Variants in FOXP2 observed in about 807,000 individuals in gnomAD.
FOXP2 encodes the protein forkhead box P2.
FOXP2 carries 12 observed loss-of-function variants against 115.8 expected under a neutral mutation model. That is an observed-to-expected ratio of 0.10 (90% confidence interval 0.07 to 0.17). The LOEUF (loss-of-function observed/expected upper bound fraction) is 0.17. Among genes scored for constraint, FOXP2 ranks in the 10% least tolerant of loss-of-function variants. The pLI is 1.00. For missense variants in FOXP2, 629 were observed against 843.5 expected, an observed-to-expected ratio of 0.75 and a Z score of 3.15; for synonymous variants, 328 against 297.7, an observed-to-expected ratio of 1.10 and a Z score of -1.05.
chr7:114,184,861 A>G (rs1185280560), intron 1 of FOXP2, among the ~76,000 whole-genome samples: 1 of 152,214 alleles, frequency 6.6e-6, no homozygotes, highest in Non-Finnish European at 1.5e-5. Context: ...CATTTTACTA[A>G]TGAGAGCAAT....
chr7:114,523,904 A>G (rs1256993433), intron 2 of FOXP2, among the ~76,000 whole-genome samples: 1 of 152,182 alleles, frequency 6.6e-6, no homozygotes, highest in Admixed American at 6.5e-5. Context: ...AATGAATAGT[A>G]TATTTATGTT....
intron 2 of FOXP2, among the ~76,000 whole-genome samples, chr7:114,324,419 A>G (rs1797505615): frequency 6.6e-6 from 1 of 151,690 alleles, no homozygotes; most frequent in African/African-American, 2.4e-5. Flanking sequence ...CACATTTGAA[A>G]CTTTCTCACT....
At chr7:114,587,140 A>G (rs971335306) in intron 3 of FOXP2, among the ~76,000 whole-genome samples, 1 of 151,338 alleles carries the variant, frequency 6.6e-6, no homozygotes, top group Admixed American at 6.6e-5. Context: ...TACATGTGCC[A>G]TGGGGGTTTG....
chr7:114,283,833 A>G (rs756607869), intron 1 of FOXP2, among the ~76,000 whole-genome samples: 5 of 151,902 alleles, frequency 3.3e-5, no homozygotes, highest in Non-Finnish European at 7.4e-5. Context: ...TGTGTGGCTC[A>G]CACCCGGAGT....
intron 1 of FOXP2, among the ~76,000 whole-genome samples, chr7:114,246,414 T>C (rs1795285999): frequency 6.6e-6 from 1 of 152,088 alleles, no homozygotes; most frequent in South Asian, 2.1e-4. Flanking sequence ...TCTTTTTTAG[T>C]TGCAACTTTT....
At chr7:114,176,184 G>T (rs1328292144) in intron 1 of FOXP2, among the ~76,000 whole-genome samples, 1 of 5,072 alleles carries the variant, frequency 2.0e-4, no homozygotes, top group Non-Finnish European at 9.3e-4. Context: ...CTCTTTTCTT[G>T]TCTTGTCTTG....
chr7:114,628,615 G>A lies in FOXP2; in HGVS notation c.334G>A (p.Val112Ile). Residue 112 changes from valine to isoleucine, a missense_variant, in exon 4 of 17, where the codon GTC (valine) becomes ATC (isoleucine). By Grantham distance (29) the Val-to-Ile change is conservative (BLOSUM62 3). This residue lies in a region of FOXP2 where 138 missense variants were observed against 205.1 expected (regional missense o/e 0.67). Coordinates refer to ENST00000350908, the MANE Select transcript of FOXP2 (RefSeq NM_014491.4). Reference protein sequence around the residue: ...QQMQQILQQQVLSPQQLQALL... With the variant: ...QQMQQILQQQILSPQQLQALL... ...AATGCAGCAGATCCTTCAGCAACAAGTCCTGTCTCCTCAGCAGCTACAAGC... is the reference window on the plus strand; with the variant it reads ...AATGCAGCAGATCCTTCAGCAACAAATCCTGTCTCCTCAGCAGCTACAAGC... 1 of 1,614,072 alleles carries A rather than the reference G, an allele frequency of 6.2e-7. No homozygotes were observed. Among genetic ancestry groups the A allele is most frequent in the Non-Finnish European group, 8.5e-7 (1 of 1,179,980 alleles).
At chr7:114,281,095 A>ATTTTTTTTTTTTTT (rs71157578) in intron 1 of FOXP2, among the ~76,000 whole-genome samples, 1 of 92,858 alleles carries the variant, frequency 1.1e-5, no homozygotes, top group Non-Finnish European at 2.0e-5. Flanking sequence ...TGCAATTTGA[A>ATTTTTTTTTTTTTT]TTTTTTTTTT....
At chr7:114,165,384 A>G (rs1401994914) in intron 1 of FOXP2, among the ~76,000 whole-genome samples, 1 of 152,220 alleles carries the variant, frequency 6.6e-6, no homozygotes, top group Non-Finnish European at 1.5e-5. Context: ...AAAATCCCAT[A>G]TAATCAATAA....
At chr7:114,099,581 C>T (rs1424346477) in intron 1 of FOXP2, among the ~76,000 whole-genome samples, 1 of 152,124 alleles carries the variant, frequency 6.6e-6, no homozygotes, top group Non-Finnish European at 1.5e-5. Flanking sequence ...ATGCTCATTA[C>T]AGTATTATTC....
chr7:114,291,589 G>A (rs905064208), intron 2 of FOXP2, among the ~76,000 whole-genome samples: 2 of 151,762 alleles, frequency 1.3e-5, no homozygotes, highest in Non-Finnish European at 2.9e-5. Context: ...GGTCTTAAAA[G>A]GCTGCAATCA....
intron 3 of FOXP2, among the ~76,000 whole-genome samples, chr7:114,585,952 G>A (rs1438292736): frequency 6.6e-6 from 1 of 152,102 alleles, no homozygotes; most frequent in Non-Finnish European, 1.5e-5. Context: ...TTATGATTGT[G>A]TGTTTTCATG....
chr7:114,430,841 C>T (rs1794074162), intron 2 of FOXP2, among the ~76,000 whole-genome samples: 1 of 151,730 alleles, frequency 6.6e-6, no homozygotes, highest in African/African-American at 2.4e-5. Context: ...CAAGCATCTA[C>T]CAAAATACTA....
At chr7:114,382,642 T>C (rs1402376118) in intron 2 of FOXP2, among the ~76,000 whole-genome samples, 1 of 152,036 alleles carries the variant, frequency 6.6e-6, no homozygotes, top group Non-Finnish European at 1.5e-5. Context: ...CCTCCTGATC[T>C]CTATTATAAA....
At chr7:114,333,510 C>T (rs112456982) in intron 2 of FOXP2, among the ~76,000 whole-genome samples, 252 of 152,266 alleles carry the variant, frequency 1.7e-3, no homozygotes, top group African/African-American at 5.6e-3. Flanking sequence ...CCCAGCACAT[C>T]GGAAGGCCGA....
At chr7:114,174,728 A>G (rs1039753978) in intron 1 of FOXP2, among the ~76,000 whole-genome samples, 1 of 152,050 alleles carries the variant, frequency 6.6e-6, no homozygotes, top group African/African-American at 2.4e-5. Context: ...TTAAAAATTG[A>G]TGTTTGTTTC....
Position 114,631,455 on chromosome 7 carries a change from A to G in FOXP2, c.598-73A>G, listed in dbSNP as rs1353311099. The stretch of plus-strand genomic sequence containing the variant: ...CACTCAGGCAATGAAAGGAGTGTGC[A>G]TTTCCCTGTAAGAGAGCTGTTTGTA... On this transcript the variant is annotated intron_variant, in intron 5 of 16. Coordinates refer to ENST00000350908, the MANE Select transcript of FOXP2 (RefSeq NM_014491.4). 3 of 1,547,674 alleles carry G rather than the reference A, an allele frequency of 1.9e-6. No individual in the cohort carries two copies. The East Asian group carries it at 7.3e-5, about 38-fold the overall frequency.
At position 114,596,183 on chromosome 7, in the gene FOXP2, G is replaced by GTCATGGT. The variant is rs1287158064; in HGVS notation, c.259-32354_259-32348dup. Among the ~76,000 whole-genome samples the GTCATGGT allele has an allele frequency of 5.9e-5, 9 of 152,034 alleles. No individual in the cohort carries two copies. The South Asian group carries it at 1.7e-3, about 28-fold the overall frequency. On this transcript the variant is annotated intron_variant, in intron 3 of 16. Transcript: ENST00000350908. Reference sequence around the variant, plus strand: ...TTTTCTCTTTTTATTAAAGAGAGAAGTCATGGTTCCCTTGATGTTATCTCC... The same window carrying GTCATGGT: ...TTTTCTCTTTTTATTAAAGAGAGAAGTCATGGTTCATGGTTCCCTTGATGTTATCTCC...
At chr7:114,305,040 A>T (rs1400396981) in intron 2 of FOXP2, among the ~76,000 whole-genome samples, 2 of 152,160 alleles carry the variant, frequency 1.3e-5, no homozygotes, top group Non-Finnish European at 2.9e-5. Context: ...TGTCATTTTT[A>T]TGATTAATAT....
Sources: gnomAD v4.1 joint callset for allele counts (sites outside exome capture counted in the v4.1 genomes callset) on GRCh38, gnomAD v4.1.1 for gene constraint, gnomAD v4.1.1 regional missense constraint, MANE v1.5 for transcripts, NCBI Gene and HGNC (gene_info 2026-07-23, HGNC 2026-07-21) for gene names.